RAVER2: variants seen among roughly 807,000 people sequenced by gnomAD.
RAVER2 encodes ribonucleoprotein PTB-binding 2.
A neutral mutation model predicts 78.1 loss-of-function variants in RAVER2; 46 were observed. The observed-to-expected ratio is 0.59, with a 90% CI of 0.46 to 0.75. The LOEUF is 0.75. Among genes scored for constraint, RAVER2 ranks in the 30% least tolerant of loss-of-function variants. RAVER2 has a pLI of 0.00. For synonymous variants in RAVER2, 311 were observed against 313.3 expected, an observed-to-expected ratio of 0.99 and a Z score of 0.08; for missense variants, 793 against 837.5, an observed-to-expected ratio of 0.95 and a Z score of 0.66.
intron 1 of RAVER2, among the ~76,000 whole-genome samples, chr1:64,754,498 T>C (rs1264967406): frequency 1.3e-5 from 2 of 152,192 alleles, no homozygotes; most frequent in Non-Finnish European, 2.9e-5. Flanking sequence ...ACTCTCAGGA[T>C]TGATTTGTTA....
intron 11 of RAVER2, 123 bp downstream of exon 11, chr1:64,814,963 A>G: frequency 3.6e-6 from 3 of 833,564 alleles, no homozygotes; most frequent in Admixed American, 3.4e-5. Flanking sequence ...GCACTGATCT[A>G]TGTATTTCTT....
intron 5 of RAVER2, among the ~76,000 whole-genome samples, chr1:64,792,526 A>G (rs1375621861): frequency 6.6e-6 from 1 of 152,220 alleles, no homozygotes; most frequent in Non-Finnish European, 1.5e-5. Context: ...TTTTCATCTA[A>G]GACTAAATAT....
intron 2 of RAVER2, among the ~76,000 whole-genome samples, chr1:64,774,681 A>C (rs1024837629): frequency 1.3e-5 from 2 of 152,048 alleles, no homozygotes; most frequent in African/African-American, 4.8e-5. Context: ...TTCCATATGA[A>C]ATTTAAAGTA....
chr1:64,827,832 C>G (rs1261052230), intron 11 of RAVER2, among the ~76,000 whole-genome samples: 1 of 152,182 alleles, frequency 6.6e-6, no homozygotes, highest in East Asian at 1.9e-4. Flanking sequence ...TCCTTCATTG[C>G]CATACTTTTT....
intron 1 of RAVER2, among the ~76,000 whole-genome samples, chr1:64,767,294 A>G (rs1303596586): frequency 1.3e-5 from 2 of 152,018 alleles, no homozygotes; most frequent in Non-Finnish European, 2.9e-5. Flanking sequence ...ACTGTTAATG[A>G]TAGTGTACTG....
intron 8 of RAVER2, among the ~76,000 whole-genome samples, chr1:64,805,645 T>C (rs1424279765): frequency 6.6e-6 from 1 of 152,198 alleles, no homozygotes; most frequent in Non-Finnish European, 1.5e-5. Flanking sequence ...AGACTTCTTA[T>C]TTGAATGTGA....
rs377112434 is a variant in RAVER2, at chr1:64,753,294, A to G, written c.249+7873A>G. 5.3e-5 allele frequency among the ~76,000 whole-genome samples: 8 copies of G among 152,084 alleles called. No individual in the cohort carries two copies. In the South Asian group the frequency reaches 1.2e-3, roughly 24 times the overall value. On this transcript the variant is annotated intron_variant, in intron 1 of 11. Transcript: ENST00000294428. ...GGTCCCAAACTCCTAGGCTCAACCA[A>G]TCTGCCCTGCTTGGCCTCCCAAACT...
At chr1:64,768,522 T>G (rs1237342082) in intron 1 of RAVER2, 134 bp from the exon 2 acceptor site, 2 of 643,656 alleles carry the variant, frequency 3.1e-6, no homozygotes, top group African/African-American at 3.8e-5. Flanking sequence ...GTAATGGGGA[T>G]CCATGAAATA....
chr1:64,780,264 T>G (rs974415347), intron 3 of RAVER2, among the ~76,000 whole-genome samples: 11 of 152,118 alleles, frequency 7.2e-5, no homozygotes, highest in African/African-American at 2.4e-4. Flanking sequence ...CAAACCTGAT[T>G]TTAAGAACTG....
chr1:64,794,679 C>T (rs1019421775), intron 5 of RAVER2, among the ~76,000 whole-genome samples: 7 of 151,950 alleles, frequency 4.6e-5, no homozygotes, highest in South Asian at 2.1e-4. Context: ...ATATTTTGCA[C>T]GTGTTAAAAA....
At position 64,775,535 on chromosome 1, in the gene RAVER2, A is replaced by T. The variant is rs1652436723; in HGVS notation, c.317-2088A>T. Among the ~76,000 whole-genome samples, 3 of 152,248 alleles carry T rather than the reference A, an allele frequency of 2.0e-5. No individual in the cohort carries two copies. The South Asian group carries it at 6.2e-4, about 32-fold the overall frequency. ...AGAGGAAGAGGGTGTAGAGTGCGAA[A>T]AAAGATATTCAGCGGCCACACATTG... On this transcript the variant is annotated intron_variant, in intron 2 of 11. Coordinates refer to ENST00000294428, the Ensembl canonical transcript of RAVER2.
intron 11 of RAVER2, among the ~76,000 whole-genome samples, chr1:64,822,751 A>G (rs1653918066): frequency 6.6e-6 from 1 of 152,240 alleles, no homozygotes; most frequent in Non-Finnish European, 1.5e-5. Flanking sequence ...GCACAGCAGC[A>G]TTATTCATAA....
At chr1:64,820,509 G>A (rs912700253) in intron 11 of RAVER2, among the ~76,000 whole-genome samples, 7 of 151,896 alleles carry the variant, frequency 4.6e-5, no homozygotes, top group Non-Finnish European at 7.4e-5. Flanking sequence ...TTTCATCACC[G>A]AGGTATTAAG....
At chr1:64,759,597 A>G (rs891156338) in intron 1 of RAVER2, among the ~76,000 whole-genome samples, 14 of 149,380 alleles carry the variant, frequency 9.4e-5, no homozygotes, top group Non-Finnish European at 2.1e-4. Flanking sequence ...GCTCACTGCA[A>G]GCTTTGCCTC....
At chr1:64,746,279 G>A (rs976906374) in intron 1 of RAVER2, among the ~76,000 whole-genome samples, 1 of 152,132 alleles carries the variant, frequency 6.6e-6, no homozygotes, top group Admixed American at 6.5e-5. Flanking sequence ...GTTATCCTGG[G>A]ATGTTGTTCT....
chr1:64,831,907 A>C (rs575122730), exon 12 of RAVER2: 2 of 152,384 alleles, frequency 1.3e-5, no homozygotes, highest in South Asian at 4.1e-4. Context: ...AGAACTGATT[A>C]GCTTCAACAG....
intron 11 of RAVER2, among the ~76,000 whole-genome samples, chr1:64,820,064 CAAT>C (rs992428356): frequency 6.6e-6 from 1 of 151,968 alleles, no homozygotes; most frequent in African/African-American, 2.4e-5. Context: ...GTGTAAAGGA[CAAT>C]AAGGTAAATG....
intron 1 of RAVER2, among the ~76,000 whole-genome samples, chr1:64,767,522 A>C (rs546888561): frequency 1.3e-5 from 2 of 152,146 alleles, no homozygotes; most frequent in Non-Finnish European, 2.9e-5. Context: ...TTATTATTGA[A>C]TTCAGCATTT....
chr1:64,791,905 C>A (rs368480947), intron 5 of RAVER2, among the ~76,000 whole-genome samples: 1 of 152,096 alleles, frequency 6.6e-6, no homozygotes, highest in Non-Finnish European at 1.5e-5. Context: ...ACCATGAAAC[C>A]TCAGTCATTT....
Sources: gnomAD v4.1 joint callset for allele counts (sites outside exome capture counted in the v4.1 genomes callset) on GRCh38, gnomAD v4.1.1 for gene constraint, MANE v1.5 for transcripts, NCBI Gene and HGNC (gene_info 2026-07-23, HGNC 2026-07-21) for gene names.